The following CACNB2 variants were observed in gnomAD, a reference collection of about 807,000 sequenced individuals.
The protein encoded by CACNB2 is voltage-dependent L-type calcium channel subunit beta-2.
In CACNB2, 42 loss-of-function variants were observed where a neutral mutation model predicts 73.3. That is an observed-to-expected ratio of 0.57 (90% CI 0.45 to 0.74). CACNB2 has a LOEUF of 0.74. Among genes scored for constraint, CACNB2 ranks in the 30% least tolerant of loss-of-function variants. The probability of loss-of-function intolerance (pLI) is 0.00; values close to 1 mark genes in which losing one functional copy is unlikely to be tolerated. For synonymous variants in CACNB2, 348 were observed against 310.3 expected (o/e 1.12, Z -1.28); for missense variants, 940 against 853.0 (o/e 1.10, Z -1.27).
chr10:18,401,880 A>G (rs2044014646), intron 2 of CACNB2, 44 bp from the exon 3 acceptor site: 1 of 1,608,448 alleles, frequency 6.2e-7, no homozygotes, highest in Non-Finnish European at 8.5e-7. Flanking sequence ...CAATGCAAAC[A>G]TCATAGACTG....
At chr10:18,166,753 G>C (rs564265178) in intron 2 of CACNB2, among the ~76,000 whole-genome samples, 5 of 152,124 alleles carry the variant, frequency 3.3e-5, no homozygotes, top group Non-Finnish European at 7.3e-5. Flanking sequence ...GTCGGGTAGG[G>C]GGAGCGGGGA....
chr10:18,163,826 C>G (rs1483002475), intron 2 of CACNB2, among the ~76,000 whole-genome samples: 10 of 152,104 alleles, frequency 6.6e-5, no homozygotes, highest in Admixed American at 5.9e-4. Context: ...AGACCAGGAC[C>G]CCAGAGCAGG....
intron 2 of CACNB2, among the ~76,000 whole-genome samples, chr10:18,268,367 C>T (rs1198843773): frequency 1.3e-5 from 2 of 152,118 alleles, no homozygotes; most frequent in African/African-American, 4.8e-5. Context: ...ATGTGTTTGA[C>T]ATAACAGGAT....
chr10:18,203,888 T>C (rs980064615), intron 2 of CACNB2, among the ~76,000 whole-genome samples: 2 of 152,228 alleles, frequency 1.3e-5, no homozygotes, highest in African/African-American at 4.8e-5. Context: ...GTTTCTCTGC[T>C]TTTGCCAATT....
intron 2 of CACNB2, among the ~76,000 whole-genome samples, chr10:18,291,573 AG>A (rs933839917): frequency 6.6e-6 from 1 of 152,234 alleles, no homozygotes; most frequent in Non-Finnish European, 1.5e-5. Flanking sequence ...GGCTATGGGA[AG>A]GTTACTTTCG....
intron 3 of CACNB2, among the ~76,000 whole-genome samples, chr10:18,481,997 C>A (rs1464316725): frequency 6.6e-6 from 1 of 152,254 alleles, no homozygotes; most frequent in Admixed American, 6.5e-5. Flanking sequence ...TCAAGCAATT[C>A]TCTTGCCTCA....
rs2049975177 is a variant in CACNB2 at position 18,498,493 on chromosome 10, T to G, written c.456+16T>G. ...TGTTAAGGAAGTAAGGAGAATAATT[T>G]CATTTTCTAACAGCATGATGTTTCA... On this transcript the variant is annotated intron_variant, in intron 4 of 13. Coordinates refer to ENST00000324631, the MANE Select transcript of CACNB2 (RefSeq NM_201596.3). 6.2e-7 allele frequency: 1 copy of G among 1,613,388 alleles called. No homozygotes were observed. The highest frequency in any genetic ancestry group is 1.3e-5 in the African/African-American group (1 of 74,914).
At chr10:18,181,945 C>T (rs1434687657) in intron 2 of CACNB2, 2 of 152,084 alleles carry the variant, frequency 1.3e-5, no homozygotes, top group Non-Finnish European at 2.9e-5. Flanking sequence ...TAAACAGCTT[C>T]CAAACAAATC....
At chr10:18,458,237 T>A (rs1057394916) in intron 3 of CACNB2, among the ~76,000 whole-genome samples, 3 of 152,176 alleles carry the variant, frequency 2.0e-5, no homozygotes, top group Admixed American at 6.6e-5. Flanking sequence ...TCCTGTGGAG[T>A]CATAATTTAA....
intron 3 of CACNB2, among the ~76,000 whole-genome samples, chr10:18,422,020 C>G (rs1383519136): frequency 1.3e-5 from 2 of 152,160 alleles, no homozygotes; most frequent in African/African-American, 4.8e-5. Flanking sequence ...TAAGCATGTT[C>G]TAGTTTAAAC....
intron 2 of CACNB2, among the ~76,000 whole-genome samples, chr10:18,276,122 A>T (rs1261635070): frequency 6.6e-6 from 1 of 152,220 alleles, no homozygotes; most frequent in Non-Finnish European, 1.5e-5. Context: ...CAACAATTTC[A>T]GTTTCACATG....
chr10:18,159,214 T>C (rs1435969055), intron 2 of CACNB2, among the ~76,000 whole-genome samples: 4 of 152,218 alleles, frequency 2.6e-5, no homozygotes, highest in Admixed American at 6.5e-5. Context: ...GCCATTTTCA[T>C]TGAAAGTACA....
chr10:18,337,941 G>A (rs1453198976), intron 2 of CACNB2, among the ~76,000 whole-genome samples: 1 of 152,084 alleles, frequency 6.6e-6, no homozygotes, highest in Non-Finnish European at 1.5e-5. Flanking sequence ...GTGGATTAAA[G>A]ACCTGAAACC....
At chr10:18,327,209 G>T (rs1381186472) in intron 2 of CACNB2, among the ~76,000 whole-genome samples, 1 of 151,992 alleles carries the variant, frequency 6.6e-6, no homozygotes, top group East Asian at 1.9e-4. Flanking sequence ...GGATTTGAGG[G>T]TCCAAGAAAA....
chr10:18,225,961 A>G (rs1206573099), intron 2 of CACNB2, among the ~76,000 whole-genome samples: 2 of 151,776 alleles, frequency 1.3e-5, no homozygotes, highest in East Asian at 1.9e-4. Context: ...TATTAAAGAC[A>G]TGTTCTTAGT....
At chr10:18,184,654 T>G (rs922493189) in intron 2 of CACNB2, among the ~76,000 whole-genome samples, 7 of 13,674 alleles carry the variant, frequency 5.1e-4, no homozygotes, top group African/African-American at 1.4e-3. Flanking sequence ...ACTTTGTTTT[T>G]TTTTTTTTTT....
chr10:18,307,667 C>T (rs2039786810), intron 2 of CACNB2, among the ~76,000 whole-genome samples: 1 of 151,868 alleles, frequency 6.6e-6, no homozygotes, highest in Non-Finnish European at 1.5e-5. Context: ...AAAGACAGAA[C>T]CAAGGATGGG....
At chr10:18,378,289 G>A (rs1480841342) in intron 2 of CACNB2, among the ~76,000 whole-genome samples, 2 of 152,192 alleles carry the variant, frequency 1.3e-5, no homozygotes. Flanking sequence ...CTGAATGAGT[G>A]TTAATTGGGT....
intron 2 of CACNB2, among the ~76,000 whole-genome samples, chr10:18,396,663 G>A (rs545498452): frequency 2.0e-5 from 3 of 152,304 alleles, no homozygotes; most frequent in Admixed American, 6.5e-5. Flanking sequence ...TAGAGACAGG[G>A]TTTCACCATG....
Sources: allele counts gnomAD v4.1 joint callset (sites outside exome capture counted in the v4.1 genomes callset), GRCh38; gene constraint gnomAD v4.1.1; transcripts MANE v1.5; gene names NCBI Gene and HGNC (gene_info 2026-07-23, HGNC 2026-07-21).